The following SMURF2 variants were observed in gnomAD, a reference collection of about 807,000 sequenced individuals.
SMURF2 encodes the protein E3 ubiquitin-protein ligase SMURF2.
Under a neutral mutation model 109.6 loss-of-function variants are expected in SMURF2, and 48 were observed. That is an observed-to-expected ratio of 0.44 (90% CI 0.35 to 0.56). The LOEUF is 0.56. Among genes scored for constraint, SMURF2 ranks in the 20% least tolerant of loss-of-function variants. The pLI, the probability that SMURF2 is intolerant of heterozygous loss-of-function variation, is 0.01. For missense variants in SMURF2, 575 were observed against 909.0 expected, an observed-to-expected ratio of 0.63 and a Z score of 4.72; for synonymous variants, 288 against 317.1, an observed-to-expected ratio of 0.91 and a Z score of 0.97.
chr17:64,577,797 T>G lies in SMURF2; in HGVS notation c.857+695A>C, dbSNP rs188101935. Reference sequence around the variant, plus strand: ...ATCTTTGGTAGAGACCAGGTCTATGTGGCTCAGACTGGTTTCAAACTCCTG... The same window carrying G: ...ATCTTTGGTAGAGACCAGGTCTATGGGGCTCAGACTGGTTTCAAACTCCTG... On this transcript the variant is annotated intron_variant, in intron 9 of 18. Transcript: ENST00000262435. Among the ~76,000 whole-genome samples, 462 of 152,090 alleles carry G rather than the reference T, an allele frequency of 3.0e-3. 2 individuals carry two copies. The highest frequency in any genetic ancestry group is 0.011 in the African/African-American group (449 of 41,498).
intron 1 of SMURF2, among the ~76,000 whole-genome samples, chr17:64,625,547 AT>A (rs1399291897): frequency 6.6e-6 from 1 of 152,228 alleles, no homozygotes; most frequent in African/African-American, 2.4e-5. Flanking sequence ...GCAAATTAAC[AT>A]AGTGTAGATT....
intron 2 of SMURF2, among the ~76,000 whole-genome samples, chr17:64,599,817 A>G (rs1598288945): frequency 6.6e-6 from 1 of 152,338 alleles, no homozygotes; most frequent in East Asian, 1.9e-4. Context: ...CTGCTGCTTT[A>G]AAGGGCATAC....
chr17:64,572,944 A>G (rs1204799305), intron 9 of SMURF2: 4 of 151,898 alleles, frequency 2.6e-5, no homozygotes. Context: ...TTGGTGACAT[A>G]ATTGAGACTG....
chr17:64,651,223 A>G (rs1555693474), intron 1 of SMURF2, among the ~76,000 whole-genome samples: 1 of 151,266 alleles, frequency 6.6e-6, no homozygotes, highest in African/African-American at 2.4e-5. Context: ...GTGTATATAT[A>G]TATGCTTACA....
intron 3 of SMURF2, chr17:64,594,033 C>T (rs370630512): frequency 2.0e-5 from 3 of 153,322 alleles, no homozygotes; most frequent in South Asian, 4.1e-4. Flanking sequence ...CTGTTTGTAA[C>T]GCTTTTCCCC....
At chr17:64,625,828 AG>A (rs1397147316) in intron 1 of SMURF2, among the ~76,000 whole-genome samples, 9 of 152,198 alleles carry the variant, frequency 5.9e-5, no homozygotes, top group African/African-American at 1.9e-4. Context: ...CTCTACTTTT[AG>A]GGGAATGAGA....
intron 2 of SMURF2, among the ~76,000 whole-genome samples, chr17:64,601,919 ATG>A (rs199941916): frequency 2.1e-5 from 3 of 143,074 alleles, no homozygotes; most frequent in Admixed American, 6.9e-5. Context: ...ATATAATTAT[ATG>A]TGTGTGTATA....
At chr17:64,613,731 TGTGTGTGTGTGTGGAGGGG>T in intron 1 of SMURF2, among the ~76,000 whole-genome samples, 1 of 132,562 alleles carries the variant, frequency 7.5e-6, no homozygotes, top group African/African-American at 2.8e-5. Flanking sequence ...TGTGTGTGTG[TGTGTGTGTGTGTGGAGGGG>T]GGGCAGAGGG....
chr17:64,566,872 CAG>C (rs1313227032), intron 10 of SMURF2, among the ~76,000 whole-genome samples: 19 of 143,598 alleles, frequency 1.3e-4, no homozygotes, highest in South Asian at 9.0e-4. Context: ...GCCCCGCTGA[CAG>C]AGAGTTTTTT....
chr17:64,593,665 T>C (rs2144656660), intron 3 of SMURF2, 92 bp from the exon 4 acceptor site: 1 of 1,102,264 alleles, frequency 9.1e-7, no homozygotes, highest in East Asian at 2.6e-5. Context: ...CTAAAGTTAC[T>C]AATATGCTTC....
chr17:64,616,672 A>G (rs1332556483), intron 1 of SMURF2, among the ~76,000 whole-genome samples: 2 of 150,828 alleles, frequency 1.3e-5, no homozygotes, highest in Non-Finnish European at 3.0e-5. Context: ...AAAAAAAAAG[A>G]ACTAGAGCTG....
At chr17:64,552,972 G>T (rs532264716) in intron 15 of SMURF2, among the ~76,000 whole-genome samples, 6 of 152,180 alleles carry the variant, frequency 3.9e-5, no homozygotes, top group South Asian at 4.1e-4. Flanking sequence ...CCAAAATGCT[G>T]GGAATACAGG....
chr17:64,654,957 G>T (rs1213110523), intron 1 of SMURF2, among the ~76,000 whole-genome samples: 1 of 151,918 alleles, frequency 6.6e-6, no homozygotes, highest in Non-Finnish European at 1.5e-5. Context: ...GATAACAGGC[G>T]TGAGTCACCA....
At chr17:64,599,006 G>A (rs1360139975) in intron 2 of SMURF2, among the ~76,000 whole-genome samples, 2 of 152,134 alleles carry the variant, frequency 1.3e-5, no homozygotes, top group Non-Finnish European at 2.9e-5. Context: ...TGCCTTAAAA[G>A]AGCTTACTAT....
At chr17:64,583,013 C>T (rs1555686718) in intron 7 of SMURF2, among the ~76,000 whole-genome samples, 1 of 152,050 alleles carries the variant, frequency 6.6e-6, no homozygotes, top group African/African-American at 2.4e-5. Flanking sequence ...ATCCTCCCAC[C>T]TCCACGTCCC....
Position 64,606,623 on chromosome 17 carries a change from G to T in SMURF2, c.70C>A (p.Leu24Met). The change falls in exon 2 of 19, where the codon CTG becomes ATG. Residue 24 changes from leucine (L) to methionine (M), a missense_variant. By Grantham distance (15) the Leu-to-Met change is conservative. This residue lies in a region of SMURF2 where 30 missense variants were observed against 34.5 expected (regional missense o/e 0.87). Transcript: ENST00000262435. Reference sequence around the variant, plus strand: ...TTACGGAAAAAATCCTTTTTCACCAGGTTTTTTGCACAGAGTACTGTAAAA... The same window carrying T: ...TTACGGAAAAAATCCTTTTTCACCATGTTTTTTGCACAGAGTACTGTAAAA... ...LRLTVLCAKN[L>M]VKKDFFRLPD... 6.5e-7 allele frequency: 1 copy of T among 1,546,690 alleles called. No individual in the cohort carries two copies. The highest frequency in any genetic ancestry group is 8.8e-7 in the Non-Finnish European group (1 of 1,140,302).
In SMURF2 at chr17:64,620,892, TGCA is replaced by T. The variant is rs528244497; in HGVS notation, c.53-14255_53-14253del. Among the ~76,000 whole-genome samples the T allele has an allele frequency of 2.4e-4, 36 of 152,304 alleles. 1 individual carries two copies. Among genetic ancestry groups the T allele is most frequent in the African/African-American group, 8.7e-4 (36 of 41,566 alleles). The stretch of plus-strand genomic sequence containing the variant: ...TGCAAACTAAAAGGTAAAGGATACA[TGCA>T]GCTCACTCCTTGTTTCCCCTAACCT... On this transcript the variant is annotated intron_variant, in intron 1 of 18. Coordinates refer to ENST00000262435, the MANE Select transcript of SMURF2 (RefSeq NM_022739.4).
intron 2 of SMURF2, among the ~76,000 whole-genome samples, chr17:64,602,713 G>A (rs1325440856): frequency 2.6e-5 from 4 of 152,124 alleles, no homozygotes; most frequent in Non-Finnish European, 5.9e-5. Context: ...TGGATCACGA[G>A]GTCACGAGTT....
chr17:64,660,521 T>C (rs1163108133), intron 1 of SMURF2, among the ~76,000 whole-genome samples: 1 of 152,228 alleles, frequency 6.6e-6, no homozygotes, highest in Non-Finnish European at 1.5e-5. Flanking sequence ...TTATTTAAAT[T>C]GCAGCCAACA....
Sources: gnomAD v4.1 joint callset for allele counts (sites outside exome capture counted in the v4.1 genomes callset) on GRCh38, gnomAD v4.1.1 for gene constraint, gnomAD v4.1.1 regional missense constraint, MANE v1.5 for transcripts, NCBI Gene and HGNC (gene_info 2026-07-23, HGNC 2026-07-21) for gene names.